The following THSD7B variants were observed in gnomAD, a reference collection of about 807,000 sequenced individuals.
The protein encoded by THSD7B is thrombospondin type-1 domain-containing protein 7B.
In THSD7B, 138 loss-of-function variants were observed where a neutral mutation model predicts 213.6. That is an observed-to-expected ratio of 0.65 (90% confidence interval 0.56 to 0.74). The LOEUF (loss-of-function observed/expected upper bound fraction) is 0.74, where lower values mean the gene tolerates loss of function less well. Ranked by LOEUF, THSD7B falls within the 30% of genes least tolerant of loss-of-function variation. The probability of loss-of-function intolerance (pLI) is 0.00; values close to 1 mark genes in which losing one functional copy is unlikely to be tolerated. For missense variants in THSD7B, 1,931 were observed against 1,991.5 expected (o/e 0.97, Z 0.58); for synonymous variants, 742 against 687.0 (o/e 1.08, Z -1.25).
At chr2:137,484,042 T>C (rs1466402069) in intron 15 of THSD7B, among the ~76,000 whole-genome samples, 2 of 151,946 alleles carry the variant, frequency 1.3e-5, no homozygotes, top group African/African-American at 4.8e-5. Context: ...TATTATACTT[T>C]AAGTTTTAGG....
chr2:137,470,731 TA>T (rs1350696092), intron 15 of THSD7B, among the ~76,000 whole-genome samples: 1 of 152,104 alleles, frequency 6.6e-6, no homozygotes, highest in Non-Finnish European at 1.5e-5. Flanking sequence ...GTCAAGATTT[TA>T]AAATTAGAAT....
At position 137,420,392 on chromosome 2, in the gene THSD7B, A is replaced by C. The variant is rs145234216; in HGVS notation, c.2959+8520A>C. On this transcript the variant is annotated intron_variant, in intron 14 of 27. Coordinates refer to ENST00000409968, the MANE Select transcript of THSD7B (RefSeq NM_001316349.2). Reference sequence around the variant, plus strand: ...CTAATAACCTTTCTGAACTTGTATTAGAAATGTCACCCTTTTTGAAAAACC... The same window carrying C: ...CTAATAACCTTTCTGAACTTGTATTCGAAATGTCACCCTTTTTGAAAAACC... 4.9e-3 allele frequency among the ~76,000 whole-genome samples: 752 copies of C among 152,318 alleles called. 6 individuals are homozygous for C. The highest frequency in any genetic ancestry group is 0.016 in the African/African-American group (676 of 41,578).
At chr2:137,246,280 T>C (rs1369156615) in intron 10 of THSD7B, among the ~76,000 whole-genome samples, 1 of 152,184 alleles carries the variant, frequency 6.6e-6, no homozygotes, top group East Asian at 1.9e-4. Context: ...GAAGCGGTTA[T>C]GTCTGTGGTC....
chr2:137,469,703 A>T (rs1291781427), intron 15 of THSD7B, among the ~76,000 whole-genome samples: 1 of 152,152 alleles, frequency 6.6e-6, no homozygotes. Flanking sequence ...AACTTTTTTC[A>T]CAGTAAGGAC....
chr2:137,452,123 C>A, intron 15 of THSD7B: 1 of 648,344 alleles, frequency 1.5e-6, no homozygotes. Context: ...ATATAACTCA[C>A]TGAAATTAAA....
chr2:137,124,464 T>C (rs751683717), intron 5 of THSD7B, among the ~76,000 whole-genome samples: 4 of 152,236 alleles, frequency 2.6e-5, no homozygotes, highest in Non-Finnish European at 5.9e-5. Flanking sequence ...CATCAGGTTC[T>C]CTTCATAAGA....
chr2:136,888,839 C>T (rs1010529357), intron 2 of THSD7B, among the ~76,000 whole-genome samples: 4 of 151,954 alleles, frequency 2.6e-5, no homozygotes, highest in African/African-American at 9.7e-5. Flanking sequence ...GTTTTATTCA[C>T]CAATATACTC....
chr2:137,166,522 A>G (rs1680133391), intron 6 of THSD7B, among the ~76,000 whole-genome samples: 1 of 152,326 alleles, frequency 6.6e-6, no homozygotes, highest in South Asian at 2.1e-4. Flanking sequence ...CACAACAGCC[A>G]GCTGCTTAGG....
chr2:137,635,697 A>G (rs1468289487), intron 20 of THSD7B, among the ~76,000 whole-genome samples: 3 of 151,948 alleles, frequency 2.0e-5, no homozygotes, highest in East Asian at 3.9e-4. Context: ...AGCAGTTACC[A>G]TATTTAAAAT....
intron 14 of THSD7B, among the ~76,000 whole-genome samples, chr2:137,426,318 G>GA (rs201976849): frequency 1.3e-4 from 19 of 147,814 alleles, no homozygotes; most frequent in South Asian, 6.4e-4. Context: ...CACAAAAATA[G>GA]AAAAAAAAAA....
chr2:137,393,930 CAT>C (rs1686108127), intron 12 of THSD7B, among the ~76,000 whole-genome samples: 1 of 139,342 alleles, frequency 7.2e-6, no homozygotes, highest in African/African-American at 2.7e-5. Flanking sequence ...AGCATTTTTT[CAT>C]ATGTTTTTTG....
intron 1 of THSD7B, among the ~76,000 whole-genome samples, chr2:136,864,583 C>T (rs944112096): frequency 1.3e-5 from 2 of 151,104 alleles, no homozygotes; most frequent in Non-Finnish European, 2.9e-5. Flanking sequence ...GACAGAGTCT[C>T]ACTCTGTTGC....
chr2:137,056,141 A>G (rs1021855482), intron 2 of THSD7B, among the ~76,000 whole-genome samples: 1 of 152,202 alleles, frequency 6.6e-6, no homozygotes, highest in Non-Finnish European at 1.5e-5. Flanking sequence ...GAGCAATTCT[A>G]CAAGTCGGTG....
rs1377206657 is a variant in THSD7B at position 137,275,963 on chromosome 2, G to A, written c.2437G>A (p.Glu813Lys). ...ATGGAGCCCTTGCATCTTAGTGCCA[G>A]AGTCTGTCTGGCAGGGAATAACGGG... ...QKWSPCILVP[E>K]SVWQGITGSS... The change falls in exon 12 of 28, where the codon GAG (glutamate) becomes AAG (lysine). Residue 813 changes from glutamate (E) to lysine (K), a missense_variant. Physicochemically the swap from Glu to Lys is moderately conservative, Grantham distance 56. Coordinates refer to ENST00000409968, the MANE Select transcript of THSD7B (RefSeq NM_001316349.2). 1 of 1,612,352 alleles carries A rather than the reference G, an allele frequency of 6.2e-7. No homozygotes were observed. Among genetic ancestry groups the A allele is most frequent in the Non-Finnish European group, 8.5e-7 (1 of 1,178,944 alleles).
At chr2:137,045,986 A>C (rs1686962988) in intron 2 of THSD7B, among the ~76,000 whole-genome samples, 1 of 152,168 alleles carries the variant, frequency 6.6e-6, no homozygotes, top group Non-Finnish European at 1.5e-5. Flanking sequence ...CTGAGGAAAC[A>C]CAGAGAAGAG....
At chr2:136,977,836 C>T (rs189529264) in intron 2 of THSD7B, among the ~76,000 whole-genome samples, 1 of 144,280 alleles carries the variant, frequency 6.9e-6, no homozygotes, top group Non-Finnish European at 1.5e-5. Context: ...CGGAGTCTTG[C>T]TCTGTCACCC....
intron 14 of THSD7B, among the ~76,000 whole-genome samples, chr2:137,418,695 A>AT (rs140459707): frequency 0.046 from 6,936 of 151,702 alleles, 481 homozygotes; most frequent in African/African-American, 0.15. Flanking sequence ...CATCCCTCCT[A>AT]TTTTTTCTAG....
chr2:137,620,549 A>T (rs372433503), intron 19 of THSD7B, 60 bp from the exon 20 acceptor site: 17 of 1,308,980 alleles, frequency 1.3e-5, no homozygotes, highest in Middle Eastern at 1.8e-4. Context: ...CCATGAAAGG[A>T]CAGTGATTTG....
intron 5 of THSD7B, among the ~76,000 whole-genome samples, chr2:137,131,700 C>T (rs1315158055): frequency 2.6e-5 from 4 of 152,070 alleles, no homozygotes; most frequent in African/African-American, 4.8e-5. Context: ...AGATATGCAG[C>T]GTTATTTCTG....
Sources: gnomAD v4.1 joint callset for allele counts (sites outside exome capture counted in the v4.1 genomes callset) on GRCh38, gnomAD v4.1.1 for gene constraint, MANE v1.5 for transcripts, NCBI Gene and HGNC (gene_info 2026-07-23, HGNC 2026-07-21) for gene names.